Variants in KIF16B observed in about 807,000 individuals in gnomAD.
KIF16B encodes kinesin-like protein KIF16B.
Under a neutral mutation model 156.3 loss-of-function variants are expected in KIF16B, and 98 were observed. That is an observed-to-expected ratio of 0.63 (90% CI 0.53 to 0.74). The LOEUF is 0.74. Among genes scored for constraint, KIF16B ranks in the 30% least tolerant of loss-of-function variants. The pLI is 0.00. For synonymous variants in KIF16B, 564 were observed against 583.7 expected, an observed-to-expected ratio of 0.97 and a Z score of 0.49; for missense variants, 1,421 against 1,606.5, an observed-to-expected ratio of 0.88 and a Z score of 1.97.
At chr20:16,496,333 G>A (rs1414394109) in intron 11 of KIF16B, among the ~76,000 whole-genome samples, 1 of 152,198 alleles carries the variant, frequency 6.6e-6, no homozygotes, top group African/African-American at 2.4e-5. Flanking sequence ...GAAGAAATGT[G>A]AGCAAATCAA....
Position 16,368,004 on chromosome 20 carries a change from A to G in KIF16B, c.3498+2582T>C, listed in dbSNP as rs1295625847. ...TATCTGACAGGACCAAAGCATATAAAGTTGACTGAAGCAGGAGCAAACACG... is the reference window on the plus strand; with the variant it reads ...TATCTGACAGGACCAAAGCATATAAGGTTGACTGAAGCAGGAGCAAACACG... On this transcript the variant is annotated intron_variant, in intron 22 of 25. Transcript: ENST00000354981. The G allele has an allele frequency of 7.0e-6, 10 of 1,423,618 alleles. No individual in the cohort carries two copies. The East Asian group carries it at 2.6e-4, about 36-fold the overall frequency. The allele number at this position is 1,423,618 out of a possible 1,614,324, so 88.2% of individuals were successfully genotyped here.
intron 15 of KIF16B, among the ~76,000 whole-genome samples, chr20:16,411,929 CGTGTGTGT>C (rs36019156): frequency 0.11 from 14,586 of 133,978 alleles, 867 homozygotes; most frequent in Non-Finnish European, 0.16. Context: ...GAATGTTCAA[CGTGTGTGT>C]GTGTGTGTGT....
At chr20:16,408,903 A>C (rs576546880) in intron 15 of KIF16B, among the ~76,000 whole-genome samples, 53 of 152,282 alleles carry the variant, frequency 3.5e-4, no homozygotes, top group African/African-American at 1.3e-3. Flanking sequence ...TCATTTTTAC[A>C]TGATGCCACT....
Position 16,379,035 on chromosome 20 carries a change from C to T in KIF16B, c.2967G>A (p.Lys989=). Residue 989 remains lysine, a synonymous_variant, in exon 19 of 26, where the codon AAG becomes AAA. Transcript: ENST00000354981. ...CTCTGGACTCCAAAATCTCCTTTTC[C>T]TTTTTCCTCACTTTTTCCTCCTGAC... The part of the protein sequence containing the change: ...IARQEEKVRK[K]EKEILESREK... 6.2e-7 allele frequency: 1 copy of T among 1,611,194 alleles called. No homozygotes were observed. The highest frequency in any genetic ancestry group is 8.5e-7 in the Non-Finnish European group (1 of 1,178,672).
chr20:16,280,922 A>G (rs1212099030), intron 25 of KIF16B, among the ~76,000 whole-genome samples: 1 of 151,746 alleles, frequency 6.6e-6, no homozygotes. Context: ...TGAAAGACCT[A>G]AGCCTCCTTA....
chr20:16,413,120 A>G (rs2066000467), intron 15 of KIF16B, among the ~76,000 whole-genome samples: 1 of 152,160 alleles, frequency 6.6e-6, no homozygotes, highest in Admixed American at 6.6e-5. Context: ...TGTGATTAAC[A>G]GCAGCAGATG....
At chr20:16,484,060 C>A (rs146008838) in intron 12 of KIF16B, among the ~76,000 whole-genome samples, 3 of 152,144 alleles carry the variant, frequency 2.0e-5, no homozygotes, top group Admixed American at 6.6e-5. Flanking sequence ...GCAGTCAGAG[C>A]CCATCAGCGC....
intron 17 of KIF16B, among the ~76,000 whole-genome samples, chr20:16,384,027 C>T (rs2065167500): frequency 6.6e-6 from 1 of 152,290 alleles, no homozygotes. Flanking sequence ...GAAACTGAGG[C>T]TTAGAGTACA....
At position 16,494,325 on chromosome 20, in the gene KIF16B, G is replaced by A; in HGVS notation, c.1268C>T (p.Thr423Ile). The change falls in exon 12 of 26, where the codon ACA becomes ATA. Residue 423 changes from threonine to isoleucine, a missense_variant. Coordinates refer to ENST00000354981, the MANE Select transcript of KIF16B (RefSeq NM_024704.5). The part of the protein sequence containing the change: ...ARVQELTKEW[T>I]NKWNETQNIL... Reference sequence around the variant, plus strand: ...ATTTTGGGTTTCATTCCACTTATTTGTCCATTCCTTGGTCAATTCTTGAAC... The same window carrying A: ...ATTTTGGGTTTCATTCCACTTATTTATCCATTCCTTGGTCAATTCTTGAAC... 1 of 1,598,364 alleles carries A rather than the reference G, an allele frequency of 6.3e-7. No individual in the cohort carries two copies. Among genetic ancestry groups the A allele is most frequent in the Non-Finnish European group, 8.5e-7 (1 of 1,170,976 alleles).
rs113294391 is a variant in KIF16B at position 16,553,767 on chromosome 20, G to T, written c.47+19462C>A. Among the ~76,000 whole-genome samples the T allele has an allele frequency of 9.7e-4, 147 of 152,328 alleles. 1 individual carries two copies. The highest frequency in any genetic ancestry group is 3.4e-3 in the African/African-American group (141 of 41,568). ...CACCTGCAGCAACCGCTACCAAGAC[G>T]CTGGCTACAGCGGGGGAGGTGCAGC... On this transcript the variant is annotated intron_variant, in intron 1 of 25. Coordinates refer to ENST00000354981, the MANE Select transcript of KIF16B (RefSeq NM_024704.5).
intron 1 of KIF16B, among the ~76,000 whole-genome samples, chr20:16,549,633 T>G (rs2070561687): frequency 6.6e-6 from 1 of 151,818 alleles, no homozygotes; most frequent in Non-Finnish European, 1.5e-5. Flanking sequence ...AGCATGGTAC[T>G]GGTACCAAAA....
chr20:16,501,044 A>G (rs1264270838), intron 10 of KIF16B, among the ~76,000 whole-genome samples: 1 of 152,176 alleles, frequency 6.6e-6, no homozygotes, highest in Non-Finnish European at 1.5e-5. Flanking sequence ...AAATATAATA[A>G]AAGAGAATAA....
chr20:16,328,667 T>C (rs1438415732), intron 24 of KIF16B, among the ~76,000 whole-genome samples: 1 of 152,140 alleles, frequency 6.6e-6, no homozygotes, highest in African/African-American at 2.4e-5. Context: ...TATAACAAAA[T>C]ACCTTAGACT....
chr20:16,356,408 C>T lies in KIF16B; in HGVS notation c.3543G>A (p.Lys1181=), dbSNP rs1476833197. ...RSLGANPDDL[K]DPIKISIPRY... is the part of the protein sequence containing the mutation. ...GTGGGATACTAATTTTAATTGGGTC[C>T]TTCAGGTCATCTGGATTTGCGCCCA... Residue 1181 remains lysine (K), a synonymous_variant, in exon 23 of 26, where the codon AAG becomes AAA. Transcript: ENST00000354981. 4 of 1,614,024 alleles carry T rather than the reference C, an allele frequency of 2.5e-6. No homozygotes were observed. The Admixed American group carries it at 5.0e-5, about 20-fold the overall frequency.
At chr20:16,419,635 T>A (rs916301252) in intron 15 of KIF16B, among the ~76,000 whole-genome samples, 1 of 152,168 alleles carries the variant, frequency 6.6e-6, no homozygotes, top group Non-Finnish European at 1.5e-5. Context: ...AAGAGATGAA[T>A]AGTCAATGGA....
chr20:16,300,048 C>A (rs1044878545), intron 25 of KIF16B, among the ~76,000 whole-genome samples: 1 of 152,184 alleles, frequency 6.6e-6, no homozygotes, highest in African/African-American at 2.4e-5. Flanking sequence ...TGTCCAATTA[C>A]ATCAGTGTTC....
At chr20:16,492,777 C>A (rs1443788650) in intron 12 of KIF16B, among the ~76,000 whole-genome samples, 1 of 151,898 alleles carries the variant, frequency 6.6e-6, no homozygotes, top group Non-Finnish European at 1.5e-5. Flanking sequence ...CTAATGGGCA[C>A]TATGTATACT....
Position 16,370,555 on chromosome 20 carries a change from G to A in KIF16B, c.3498+31C>T, listed in dbSNP as rs775052070. 3.9e-6 allele frequency: 6 copies of A among 1,530,782 alleles called. No individual in the cohort carries two copies. In the Admixed American group the frequency reaches 9.2e-5, roughly 24 times the overall value. 94.8% of individuals were successfully genotyped at this position (1,530,782 alleles called of 1,614,324 possible). ...ACATGAGCATGCCATAATTTAAGGCGACCCTATCAATCTGAAAAATCATTA... is the reference window on the plus strand; with the variant it reads ...ACATGAGCATGCCATAATTTAAGGCAACCCTATCAATCTGAAAAATCATTA... On this transcript the variant is annotated intron_variant, in intron 22 of 25. Coordinates refer to ENST00000354981, the MANE Select transcript of KIF16B (RefSeq NM_024704.5).
At chr20:16,412,717 T>G (rs2065989626) in intron 15 of KIF16B, among the ~76,000 whole-genome samples, 1 of 152,052 alleles carries the variant, frequency 6.6e-6, no homozygotes, top group African/African-American at 2.4e-5. Context: ...CTCCCACCAG[T>G]TCCCTCCCAT....
Sources: gnomAD v4.1 joint callset for allele counts (sites outside exome capture counted in the v4.1 genomes callset) on GRCh38, gnomAD v4.1.1 for gene constraint, MANE v1.5 for transcripts, NCBI Gene and HGNC (gene_info 2026-07-23, HGNC 2026-07-21) for gene names.